Variants in ESRRB observed in about 807,000 individuals in gnomAD.
ESRRB encodes the protein estrogen related receptor beta.
ESRRB carries 16 observed loss-of-function variants against 46.0 expected under a neutral mutation model. The ratio of observed to expected loss-of-function variants is 0.35; its 90% CI spans 0.24 to 0.53. The LOEUF is 0.53. ESRRB is among the 20% of genes least tolerant of loss of function. The pLI, the probability that ESRRB is intolerant of heterozygous loss-of-function variation, is 0.93. For missense variants in ESRRB, 488 were observed against 607.4 expected, an observed-to-expected ratio of 0.80 and a Z score of 2.07; for synonymous variants, 246 against 259.6, an observed-to-expected ratio of 0.95 and a Z score of 0.50.
intron 3 of ESRRB, among the ~76,000 whole-genome samples, chr14:76,464,255 G>C (rs974402694): frequency 1.3e-5 from 2 of 152,302 alleles, no homozygotes; most frequent in South Asian, 2.1e-4. Context: ...GAGGGGGAAG[G>C]CTAGGAGTGG....
intron 1 of ESRRB, among the ~76,000 whole-genome samples, chr14:76,402,495 A>G (rs1885985121): frequency 1.3e-5 from 2 of 152,134 alleles, no homozygotes. Flanking sequence ...TGCCTGTTGA[A>G]TCCCATGACT....
intron 5 of ESRRB, among the ~76,000 whole-genome samples, 164 bp from the exon 6 acceptor site, chr14:76,491,283 G>A (rs947159576): frequency 6.6e-6 from 1 of 152,222 alleles, no homozygotes; most frequent in Admixed American, 6.5e-5. Context: ...GGAGGACAGT[G>A]AGTCTTACGC....
rs1201462191 is a variant in ESRRB at position 76,386,800 on chromosome 14, C to G, written c.50+10349C>G. Among the ~76,000 whole-genome samples the G allele has an allele frequency of 3.9e-5, 6 of 152,116 alleles. No individual in the cohort carries two copies. In the South Asian group the frequency reaches 1.2e-3, roughly 32 times the overall value. On this transcript the variant is annotated intron_variant, in intron 1 of 6. Transcript: ENST00000644823. The stretch of plus-strand genomic sequence containing the variant: ...TTAGATATGGCAGTGGGTAAGTTCC[C>G]TCGACCAGATATATTGATAGAGTTA...
intron 2 of ESRRB, among the ~76,000 whole-genome samples, chr14:76,459,639 T>C (rs1463663049): frequency 6.6e-6 from 1 of 152,212 alleles, no homozygotes; most frequent in Non-Finnish European, 1.5e-5. Context: ...AGCTTTCATA[T>C]GTGTTTTTCT....
chr14:76,326,819 GA>G (rs1883935619), intron 1 of ESRRB, among the ~76,000 whole-genome samples: 1 of 152,192 alleles, frequency 6.6e-6, no homozygotes, highest in Non-Finnish European at 1.5e-5. Flanking sequence ...CAGAGAAGGG[GA>G]AAAAAGCACC....
In ESRRB at chr14:76,358,406, A is replaced by G. The variant is rs1458375248; in HGVS notation, c.2+47490A>G. Among the ~76,000 whole-genome samples, 3 of 143,158 alleles carry G rather than the reference A, an allele frequency of 2.1e-5. 1 individual carries two copies. Among genetic ancestry groups the G allele is most frequent in the East Asian group, 2.0e-4 (1 of 5,004 alleles). The allele number at this position is 143,158 out of a possible 152,430, so 93.9% of individuals were successfully genotyped here. On this transcript the variant is annotated intron_variant, in intron 1 of 6. Coordinates refer to the ESRRB transcript ENST00000512784. ...AAGAAAGAAAGAAAGAAAGAAAGAAAGAAAGAAAAGAAAAGAAAAAGAAAA... is the reference window on the plus strand; with the variant it reads ...AAGAAAGAAAGAAAGAAAGAAAGAAGGAAAGAAAAGAAAAGAAAAAGAAAA...
At chr14:76,462,077 C>G (rs1888885590) in intron 2 of ESRRB, among the ~76,000 whole-genome samples, 1 of 152,194 alleles carries the variant, frequency 6.6e-6, no homozygotes, top group South Asian at 2.1e-4. Flanking sequence ...GGATGCAGAA[C>G]CCGGGCCTTG....
chr14:76,315,919 C>T (rs1488082345), intron 1 of ESRRB, among the ~76,000 whole-genome samples: 1 of 152,148 alleles, frequency 6.6e-6, no homozygotes, highest in African/African-American at 2.4e-5. Context: ...GACTCTTTTC[C>T]CTCTGTAGAA....
At chr14:76,490,097 T>C (rs1890167683) in intron 5 of ESRRB, among the ~76,000 whole-genome samples, 1 of 152,202 alleles carries the variant, frequency 6.6e-6, no homozygotes, top group South Asian at 2.1e-4. Flanking sequence ...AAGTCCTTCC[T>C]AGGCAAAATT....
chr14:76,483,746 G>T (rs934098345), intron 5 of ESRRB, among the ~76,000 whole-genome samples: 1 of 152,294 alleles, frequency 6.6e-6, no homozygotes, highest in Admixed American at 6.5e-5. Flanking sequence ...GGACAAGTCA[G>T]CTTCCTGTCT....
At chr14:76,384,626 G>A (rs1240337177) in intron 1 of ESRRB, among the ~76,000 whole-genome samples, 1 of 152,144 alleles carries the variant, frequency 6.6e-6, no homozygotes, top group African/African-American at 2.4e-5. Context: ...GCTGTGCCAA[G>A]TTTGACCCCA....
chr14:76,370,369 G>A (rs1884594172), upstream of ESRRB, among the ~76,000 whole-genome samples: 1 of 151,926 alleles, frequency 6.6e-6, no homozygotes, highest in Non-Finnish European at 1.5e-5. Context: ...TTGTACTCCA[G>A]TCTGGGCGAC....
chr14:76,401,764 G>T (rs1026789661), intron 1 of ESRRB, among the ~76,000 whole-genome samples: 4 of 152,118 alleles, frequency 2.6e-5, no homozygotes, highest in African/African-American at 9.7e-5. Flanking sequence ...ACTCTATGAT[G>T]TTCACACAAT....
intron 3 of ESRRB, 57 bp from the exon 4 acceptor site, chr14:76,481,959 T>C (rs1889821715): frequency 6.5e-7 from 1 of 1,530,498 alleles, no homozygotes; most frequent in Non-Finnish European, 9.0e-7. Context: ...AAGTCAGTGC[T>C]TCTACCCTGG....
chr14:76,396,214 C>G (rs967757586), intron 1 of ESRRB, among the ~76,000 whole-genome samples: 1 of 151,716 alleles, frequency 6.6e-6, no homozygotes, highest in Non-Finnish European at 1.5e-5. Context: ...AACAAAAAAA[C>G]AGCCTTCACA....
intron 1 of ESRRB, among the ~76,000 whole-genome samples, chr14:76,377,474 G>C (rs755191645): frequency 6.6e-6 from 1 of 152,194 alleles, no homozygotes; most frequent in East Asian, 1.9e-4. Context: ...CCCGGAGGCA[G>C]GTTGTGTGCG....
At chr14:76,487,202 T>C (rs1890054022) in intron 5 of ESRRB, among the ~76,000 whole-genome samples, 1 of 152,198 alleles carries the variant, frequency 6.6e-6, no homozygotes, top group African/African-American at 2.4e-5. Flanking sequence ...AGCACTTACC[T>C]GGCAAAGCAG....
In ESRRB at chr14:76,461,478, CTTTTGTTTTG is replaced by C. The variant is rs147348934; in HGVS notation, c.461-1028_461-1019del. 5.1e-3 allele frequency among the ~76,000 whole-genome samples: 769 copies of C among 150,422 alleles called. 9 individuals carry two copies. The highest frequency in any genetic ancestry group is 0.013 in the African/African-American group (515 of 40,788). On this transcript the variant is annotated intron_variant, in intron 2 of 6. Coordinates refer to ENST00000644823, the MANE Select transcript of ESRRB (RefSeq NM_001379180.1). ...ATGGGTTGGGTTTATGGTAGCCATT[CTTTTGTTTTG>C]TTTTGTTTTGTTTTGTTTTGTTTTG...
chr14:76,437,157 G>A (rs953105735), intron 1 of ESRRB, among the ~76,000 whole-genome samples: 32 of 151,958 alleles, frequency 2.1e-4, no homozygotes, highest in African/African-American at 7.3e-4. Context: ...TCAGCCTCCC[G>A]AGTAGCTGGG....
Sources: allele counts gnomAD v4.1 joint callset (sites outside exome capture counted in the v4.1 genomes callset), GRCh38; gene constraint gnomAD v4.1.1; transcripts MANE v1.5; gene names NCBI Gene and HGNC (gene_info 2026-07-23, HGNC 2026-07-21).